The following SH3BGRL variants were observed in gnomAD, a reference collection of about 807,000 sequenced individuals.
SH3BGRL encodes SH3 domain binding glutamate rich protein like.
Under a neutral mutation model 9.8 loss-of-function variants are expected in SH3BGRL, and 7 were observed. The observed-to-expected ratio is 0.72, with a 90% CI of 0.41 to 1.35. SH3BGRL has a LOEUF of 1.35. SH3BGRL is among the 40% of genes most tolerant of loss of function. The pLI is 0.01. For synonymous variants in SH3BGRL, 36 were observed against 29.1 expected, an observed-to-expected ratio of 1.24 and a Z score of -0.76; for missense variants, 73 against 84.4, an observed-to-expected ratio of 0.86 and a Z score of 0.53.
chrX:81,205,454 A>G lies in SH3BGRL; in HGVS notation c.45+3209A>G, dbSNP rs943695626. ...AATATTTTATTTTGTGTGTGTATATATATGTGTGTATATATAAGTGTGTGT... is the reference window on the plus strand; with the variant it reads ...AATATTTTATTTTGTGTGTGTATATGTATGTGTGTATATATAAGTGTGTGT... On this transcript the variant is annotated intron_variant, in intron 1 of 3. Coordinates refer to ENST00000373212, the MANE Select transcript of SH3BGRL (RefSeq NM_003022.3). 2.9e-5 allele frequency among the ~76,000 whole-genome samples: 3 copies of G among 104,798 alleles called. No individual in the cohort carries two copies. The Admixed American group carries it at 3.1e-4, about 11-fold the overall frequency. 91.0% of individuals were successfully genotyped at this position (104,798 alleles called of 115,157 possible). A position where few individuals can be genotyped will look rare whatever the true frequency, so the allele number is the denominator to read the frequency against.
chrX:81,208,172 G>A (rs2075553057), intron 1 of SH3BGRL, among the ~76,000 whole-genome samples: 1 of 110,993 alleles, frequency 9.0e-6, no homozygotes, highest in Admixed American at 9.5e-5. Flanking sequence ...TGAGGCAGGA[G>A]AATGGCCTGA....
At chrX:81,272,047 A>T (rs1183428305) in intron 1 of SH3BGRL, among the ~76,000 whole-genome samples, 1 of 109,081 alleles carries the variant, frequency 9.2e-6, no homozygotes, top group Non-Finnish European at 1.9e-5. Context: ...ACAAAAAAAA[A>T]TTAGCCAGGC....
At chrX:81,265,725 G>A (rs1430530554) in intron 1 of SH3BGRL, among the ~76,000 whole-genome samples, 1 of 112,088 alleles carries the variant, frequency 8.9e-6, no homozygotes, top group Non-Finnish European at 1.9e-5. Context: ...TATATGCCCA[G>A]TAATGGGATG....
In SH3BGRL at chrX:81,214,225, A is replaced by G. The variant is rs368288459; in HGVS notation, c.45+11980A>G. On this transcript the variant is annotated intron_variant, in intron 1 of 3. Transcript: ENST00000373212. ...AAGGTCATTGAATTCAAAATAAGGA[A>G]ATGATTAGTGACCTTGGAGAAAAGC... 3.6e-5 allele frequency among the ~76,000 whole-genome samples: 4 copies of G among 111,666 alleles called. No homozygotes were observed. In the East Asian group the frequency reaches 8.4e-4, roughly 24 times the overall value.
At chrX:81,278,066 G>A (rs112309963) in intron 2 of SH3BGRL, among the ~76,000 whole-genome samples, 254 of 111,598 alleles carry the variant, frequency 2.3e-3, no homozygotes, top group African/African-American at 8.0e-3. Context: ...AGGCTCAAGC[G>A]ATTCTCCTGC....
At chrX:81,283,219 A>T (rs937561923) in intron 3 of SH3BGRL, among the ~76,000 whole-genome samples, 1 of 111,943 alleles carries the variant, frequency 8.9e-6, no homozygotes, top group African/African-American at 3.2e-5. Context: ...CCTGATTCAC[A>T]GCAGAATTCT....
intron 1 of SH3BGRL, among the ~76,000 whole-genome samples, chrX:81,250,124 G>C (rs1202068146): frequency 9.1e-6 from 1 of 109,570 alleles, no homozygotes; most frequent in African/African-American, 3.3e-5. Flanking sequence ...CAACTGGCCA[G>C]GTTCAGTGGC....
At chrX:81,203,687 A>G (rs1192914044) in intron 1 of SH3BGRL, among the ~76,000 whole-genome samples, 5 of 111,520 alleles carry the variant, frequency 4.5e-5, no homozygotes, top group African/African-American at 1.6e-4. Flanking sequence ...TGGGAGTCAT[A>G]CAGTTTCAAT....
chrX:81,248,148 A>G (rs2075695809), intron 1 of SH3BGRL, among the ~76,000 whole-genome samples: 1 of 110,741 alleles, frequency 9.0e-6, no homozygotes, highest in South Asian at 3.8e-4. Flanking sequence ...GGTCATTTGT[A>G]ATGTCACCTT....
intron 1 of SH3BGRL, among the ~76,000 whole-genome samples, chrX:81,253,897 A>G (rs2075718020): frequency 8.9e-6 from 1 of 111,818 alleles, no homozygotes. Flanking sequence ...TCCAGTATAA[A>G]GGATTCAGAT....
intron 1 of SH3BGRL, among the ~76,000 whole-genome samples, chrX:81,247,606 A>T: frequency 9.0e-6 from 1 of 111,709 alleles, no homozygotes. Context: ...TGTGAATCAC[A>T]TTTATTGATT....
intron 3 of SH3BGRL, among the ~76,000 whole-genome samples, chrX:81,284,666 T>A (rs2075828785): frequency 9.1e-6 from 1 of 110,388 alleles, no homozygotes; most frequent in African/African-American, 3.3e-5. Context: ...TTAGGGAAAG[T>A]CAGATTTGAA....
At chrX:81,205,983 T>C (rs1019408499) in intron 1 of SH3BGRL, among the ~76,000 whole-genome samples, 10 of 111,901 alleles carry the variant, frequency 8.9e-5, no homozygotes, top group Non-Finnish European at 1.9e-4. Context: ...TTTTTTCTTA[T>C]ACCTGTTTGC....
intron 1 of SH3BGRL, among the ~76,000 whole-genome samples, chrX:81,250,422 TA>T (rs909448157): frequency 1.0e-5 from 1 of 99,309 alleles, no homozygotes; most frequent in African/African-American, 3.6e-5. Context: ...AAAAAAAAAA[TA>T]AAATAAAAAT....
intron 1 of SH3BGRL, among the ~76,000 whole-genome samples, chrX:81,263,324 G>A (rs1569365737): frequency 9.0e-6 from 1 of 111,528 alleles, no homozygotes; most frequent in East Asian, 2.8e-4. Flanking sequence ...AGAGGGTAGG[G>A]GTTGGAACCG....
intron 1 of SH3BGRL, among the ~76,000 whole-genome samples, chrX:81,268,277 G>T (rs2075764775): frequency 9.1e-6 from 1 of 110,279 alleles, no homozygotes; most frequent in African/African-American, 3.3e-5. Context: ...GAATTTGTTT[G>T]CTCTTTCTTC....
At chrX:81,205,531 T>TATA in intron 1 of SH3BGRL, among the ~76,000 whole-genome samples, 1 of 101,007 alleles carries the variant, frequency 9.9e-6, no homozygotes, top group African/African-American at 3.6e-5. Flanking sequence ...TATATATATA[T>TATA]CACATTTCCT....
chrX:81,257,153 C>A (rs944093842), intron 1 of SH3BGRL, among the ~76,000 whole-genome samples: 2 of 111,369 alleles, frequency 1.8e-5, no homozygotes, highest in African/African-American at 6.5e-5. Context: ...AACAATCTAG[C>A]TTATTTTTTG....
rs758078108 is a variant in SH3BGRL at position 81,258,072 on chromosome X, T to C, written c.46-18912T>C. ...ATGGTGTTTGACTTCCTGTTAGTCT[T>C]TAAAAAATATACACAGTTCTCCTTT... On this transcript the variant is annotated intron_variant, in intron 1 of 3. Transcript: ENST00000373212. Among the ~76,000 whole-genome samples the C allele has an allele frequency of 3.6e-5, 4 of 111,228 alleles. No homozygotes were observed. The East Asian group carries it at 1.1e-3, about 32-fold the overall frequency.
Sources: gnomAD v4.1 joint callset for allele counts (sites outside exome capture counted in the v4.1 genomes callset) on GRCh38, gnomAD v4.1.1 for gene constraint, MANE v1.5 for transcripts, NCBI Gene and HGNC (gene_info 2026-07-23, HGNC 2026-07-21) for gene names.